Variants in ALDH1A2 observed in about 807,000 individuals in gnomAD.
The protein encoded by ALDH1A2 is retinal dehydrogenase 2.
A neutral mutation model predicts 60.3 loss-of-function variants in ALDH1A2; 27 were observed. The ratio of observed to expected loss-of-function variants is 0.45; its 90% CI spans 0.33 to 0.62. The LOEUF (loss-of-function observed/expected upper bound fraction) is 0.62. Among genes scored for constraint, ALDH1A2 ranks in the 20% least tolerant of loss-of-function variants. The pLI, the probability that ALDH1A2 is intolerant of heterozygous loss-of-function variation, is 0.02. For missense variants in ALDH1A2, 581 were observed against 643.8 expected (o/e 0.90, Z 1.06); for synonymous variants, 289 against 232.4 (o/e 1.24, Z -2.21).
At chr15:57,969,984 G>A (rs763585073) in intron 7 of ALDH1A2, among the ~76,000 whole-genome samples, 9 of 152,176 alleles carry the variant, frequency 5.9e-5, no homozygotes, top group Non-Finnish European at 1.2e-4. Flanking sequence ...CTGGGTCTCA[G>A]CTTCTGCATC....
Position 57,989,205 on chromosome 15 carries a change from A to T in ALDH1A2, c.798+3500T>A, listed in dbSNP as rs572761983. Among the ~76,000 whole-genome samples the T allele has an allele frequency of 7.9e-5, 12 of 152,264 alleles. No homozygotes were observed. The South Asian group carries it at 2.5e-3, about 32-fold the overall frequency. ...CTTGGAAGAAAACATTAAATGCTAG[A>T]AGTTAATTTATCAAGAAATTCCTAA... is the stretch of plus-strand genomic sequence containing the variant. On this transcript the variant is annotated intron_variant, in intron 7 of 12. Coordinates refer to ENST00000249750, the MANE Select transcript of ALDH1A2 (RefSeq NM_003888.4).
At chr15:58,011,757 T>A (rs1310397702) in intron 3 of ALDH1A2, among the ~76,000 whole-genome samples, 1 of 152,210 alleles carries the variant, frequency 6.6e-6, no homozygotes, top group Non-Finnish European at 1.5e-5. Context: ...ATGTTACTTA[T>A]CACTGTATAT....
At chr15:58,015,057 G>A (rs1895751902) in intron 1 of ALDH1A2, among the ~76,000 whole-genome samples, 1 of 152,116 alleles carries the variant, frequency 6.6e-6, no homozygotes, top group Admixed American at 6.5e-5. Flanking sequence ...GAAAAGAAAA[G>A]GCCAGAAAAA....
intron 9 of ALDH1A2, 49 bp from the exon 10 acceptor site, chr15:57,962,225 T>C (rs372564923): frequency 5.6e-6 from 9 of 1,595,390 alleles, no homozygotes; most frequent in African/African-American, 1.3e-5. Flanking sequence ...TCTATGAAAA[T>C]GGAAATAAGT....
chr15:58,029,997 C>A lies in ALDH1A2; in HGVS notation c.118-15716G>T, dbSNP rs866746092. 5.3e-5 allele frequency among the ~76,000 whole-genome samples: 8 copies of A among 152,240 alleles called. No individual in the cohort carries two copies. In the South Asian group the frequency reaches 1.7e-3, roughly 32 times the overall value. On this transcript the variant is annotated intron_variant, in intron 1 of 12. Transcript: ENST00000249750. ...TGGTACCATTCCTTCTGAAACTATTCCAATCAATAGAAAAAGAGGGAATCC... is the reference window on the plus strand; with the variant it reads ...TGGTACCATTCCTTCTGAAACTATTACAATCAATAGAAAAAGAGGGAATCC...
At chr15:58,016,086 C>A (rs1895780661) in intron 1 of ALDH1A2, among the ~76,000 whole-genome samples, 1 of 151,554 alleles carries the variant, frequency 6.6e-6, no homozygotes, top group South Asian at 2.1e-4. Context: ...CACCATGTGA[C>A]TGAATCAAAC....
intron 1 of ALDH1A2, among the ~76,000 whole-genome samples, chr15:58,034,855 T>C (rs1896335651): frequency 6.6e-6 from 1 of 151,656 alleles, no homozygotes; most frequent in Non-Finnish European, 1.5e-5. Flanking sequence ...TTTTTATACA[T>C]TGGTGGACTC....
intron 12 of ALDH1A2, among the ~76,000 whole-genome samples, chr15:57,955,608 G>T (rs1354349736): frequency 1.3e-5 from 2 of 152,216 alleles, no homozygotes; most frequent in East Asian, 3.9e-4. Flanking sequence ...AGGGCACACA[G>T]ATGACCCCAG....
Position 57,954,187 on chromosome 15 carries a change from C to CA in ALDH1A2, c.*1009dup, listed in dbSNP as rs1314727833. The CA allele has an allele frequency of 6.6e-6, 1 of 152,298 alleles. No homozygotes were observed. The highest frequency in any genetic ancestry group is 1.5e-5 in the Non-Finnish European group (1 of 68,034). 9.4% of individuals were successfully genotyped at this position (152,298 alleles called of 1,614,324 possible). A position where few individuals can be genotyped will look rare whatever the true frequency, so the allele number is the denominator to read the frequency against. ...ATGATAGATGTACAGTGTGACAGAC[C>CA]AAAATCACACCTGCAGCAGTTATTG... On this transcript the variant is annotated 3_prime_UTR_variant, in exon 13 of 13. Coordinates refer to ENST00000249750, the MANE Select transcript of ALDH1A2 (RefSeq NM_003888.4).
At chr15:57,959,264 C>G (rs1433457598) in intron 12 of ALDH1A2, among the ~76,000 whole-genome samples, 2 of 152,036 alleles carry the variant, frequency 1.3e-5, no homozygotes, top group East Asian at 3.9e-4. Flanking sequence ...TGGGAGAGCA[C>G]AGACATAGAG....
chr15:57,960,392 G>T (rs1319709358), intron 12 of ALDH1A2, among the ~76,000 whole-genome samples: 8 of 152,176 alleles, frequency 5.3e-5, no homozygotes, highest in African/African-American at 1.7e-4. Context: ...CAAAAGGAGG[G>T]AAAGTGGGTT....
chr15:58,058,467 T>TA (rs763482343), intron 1 of ALDH1A2, among the ~76,000 whole-genome samples: 13 of 127,442 alleles, frequency 1.0e-4, no homozygotes, highest in African/African-American at 2.7e-4. Context: ...GAAATGATAT[T>TA]CAAAAAAAAA....
In ALDH1A2 at chr15:57,992,708, A is replaced by G; in HGVS notation, c.795T>C (p.Thr265=). The G allele has an allele frequency of 6.2e-7, 1 of 1,613,836 alleles. No homozygotes were observed. Among genetic ancestry groups the G allele is most frequent in the Admixed American group, 1.7e-5 (1 of 60,018 alleles). The part of the protein sequence containing the change: ...GIDKIAFTGS[T]EVGKLIQEAA... ...CCCTGGTTTTTCAGATACCTACCTC[A>G]GTAGACCCTGTGAATGCAATCTTGT... is the stretch of plus-strand genomic sequence containing the variant. Residue 265 remains threonine, a synonymous_variant, in exon 7 of 13, where the codon ACT becomes ACC. Coordinates refer to ENST00000249750, the MANE Select transcript of ALDH1A2 (RefSeq NM_003888.4).
intron 4 of ALDH1A2, 107 bp from the exon 5 acceptor site, chr15:57,995,246 A>C: frequency 1.2e-6 from 1 of 822,018 alleles, no homozygotes. Context: ...ACAAACAGAA[A>C]TAAACTTGAA....
At chr15:58,027,153 G>A (rs902755457) in intron 1 of ALDH1A2, among the ~76,000 whole-genome samples, 6 of 152,146 alleles carry the variant, frequency 3.9e-5, no homozygotes, top group Admixed American at 6.5e-5. Flanking sequence ...ATACAGGCAG[G>A]TGCCCCTCTG....
In ALDH1A2 at chr15:57,964,082, A is replaced by T. The variant is rs1596067045; in HGVS notation, c.902-13T>A. On this transcript the variant is annotated splice_polypyrimidine_tract_variant and intron_variant, in intron 8 of 12. Coordinates refer to ENST00000249750, the MANE Select transcript of ALDH1A2 (RefSeq NM_003888.4). ...ACAGCATAGTCCACTACAAGAGGAA[A>T]CAGCCATGTTCTCACCGCTTTGCCT... The T allele has an allele frequency of 8.1e-6, 13 of 1,613,832 alleles. No homozygotes were observed. The highest frequency in any genetic ancestry group is 1.1e-5 in the Non-Finnish European group (13 of 1,179,964).
chr15:58,034,249 T>C (rs1896319883), intron 1 of ALDH1A2, among the ~76,000 whole-genome samples: 2 of 151,746 alleles, frequency 1.3e-5, no homozygotes. Flanking sequence ...TACCGTGTTT[T>C]TAATTTCAAA....
chr15:58,016,928 T>G (rs1373039434), intron 1 of ALDH1A2, among the ~76,000 whole-genome samples: 3 of 152,164 alleles, frequency 2.0e-5, no homozygotes, highest in African/African-American at 7.2e-5. Flanking sequence ...GTTAAGAATT[T>G]GGAATTCTTA....
intron 3 of ALDH1A2, among the ~76,000 whole-genome samples, chr15:58,013,605 A>G (rs543671177): frequency 6.6e-6 from 1 of 152,118 alleles, no homozygotes; most frequent in Non-Finnish European, 1.5e-5. Context: ...TACAAAAATT[A>G]GCCAGGTGTG....
Sources: gnomAD v4.1 joint callset for allele counts (sites outside exome capture counted in the v4.1 genomes callset) on GRCh38, gnomAD v4.1.1 for gene constraint, MANE v1.5 for transcripts, NCBI Gene and HGNC (gene_info 2026-07-23, HGNC 2026-07-21) for gene names.